The following MISFA variants were observed in gnomAD, a reference collection of about 807,000 sequenced individuals.
MISFA encodes mitochondrial sheath formation associated, also known as mitochondrial sheath formation-associated protein.
the MISFA span, chr11:18,599,872 T>A: frequency 2.5e-6 from 1 of 398,810 alleles, no homozygotes; most frequent in Non-Finnish European, 4.4e-6. Flanking sequence ...TGCCAAGATC[T>A]TGGTGAATAG....
the MISFA span, chr11:18,606,983 C>T: frequency 6.9e-5 from 20 of 289,600 alleles, no homozygotes; most frequent in Non-Finnish European, 1.2e-4. Flanking sequence ...GCCTCAGCCT[C>T]CCCGGTAGCT....
At chr11:18,603,832 G>T in the MISFA span, 1 of 395,690 alleles carries the variant, frequency 2.5e-6, no homozygotes, top group South Asian at 1.3e-4. Context: ...AAGCTCACCT[G>T]ACCAGCTGTA....
At chr11:18,604,221 C>T in the MISFA span, among the ~76,000 whole-genome samples, 2 of 151,934 alleles carry the variant, frequency 1.3e-5, no homozygotes, top group African/African-American at 2.4e-5. Context: ...CCAATGTGCC[C>T]GGCATTACCG....
At chr11:18,603,571 C>T in the MISFA span, among the ~76,000 whole-genome samples, 1 of 152,184 alleles carries the variant, frequency 6.6e-6, no homozygotes, top group Admixed American at 6.5e-5. Flanking sequence ...CCTGCTAGAC[C>T]TTGGAATTTC....
At chr11:18,609,035 T>C in the MISFA span, 1 of 152,450 alleles carries the variant, frequency 6.6e-6, no homozygotes, top group Non-Finnish European at 1.5e-5. Context: ...TTATAAACTA[T>C]TACTCTTTCA....
chr11:18,604,513 T>C, the MISFA span, among the ~76,000 whole-genome samples: 3 of 151,344 alleles, frequency 2.0e-5, no homozygotes, highest in Non-Finnish European at 4.4e-5. Flanking sequence ...AAAAATTAGC[T>C]AGGGCGTGGT....
At chr11:18,608,468 A>G in the MISFA span, 2 of 152,258 alleles carry the variant, frequency 1.3e-5, no homozygotes, top group South Asian at 2.1e-4. Flanking sequence ...TCCCCCCCAT[A>G]CAATGGCTTA....
chr11:18,606,590 A>C, the MISFA span: 1 of 306,096 alleles, frequency 3.3e-6, no homozygotes, highest in Non-Finnish European at 6.2e-6. Flanking sequence ...ACTCCAAAGA[A>C]ATCTCTATCT....
At chr11:18,600,199 TTTA>T in the MISFA span, among the ~76,000 whole-genome samples, 1 of 151,994 alleles carries the variant, frequency 6.6e-6, no homozygotes, top group Non-Finnish European at 1.5e-5. Context: ...TTATTTTTTA[TTTA>T]TTATTATTAT....
At chr11:18,609,790 T>G in the MISFA span, 3 of 1,390,080 alleles carry the variant, frequency 2.2e-6, no homozygotes, top group Non-Finnish European at 3.0e-6. Flanking sequence ...ATAAGGGGGC[T>G]TCTTCAGTCT....
the MISFA span, among the ~76,000 whole-genome samples, chr11:18,605,284 GATAA>G: frequency 6.6e-6 from 1 of 151,796 alleles, no homozygotes; most frequent in Non-Finnish European, 1.5e-5. Flanking sequence ...GAAGTTGCCT[GATAA>G]TTCTTTTTCA....
the MISFA span, among the ~76,000 whole-genome samples, chr11:18,600,191 A>T: frequency 6.6e-6 from 1 of 151,452 alleles, no homozygotes; most frequent in African/African-American, 2.4e-5. Flanking sequence ...ATCCTTTTTT[A>T]TTTTTTATTT....
At chr11:18,605,212 C>T in the MISFA span, among the ~76,000 whole-genome samples, 1 of 151,482 alleles carries the variant, frequency 6.6e-6, no homozygotes, top group Non-Finnish European at 1.5e-5. Flanking sequence ...TGCACTCCAG[C>T]CTGGGTGACA....
At chr11:18,609,859 AG>A in the MISFA span, 1 of 1,613,740 alleles carries the variant, frequency 6.2e-7, no homozygotes, top group Non-Finnish European at 8.5e-7. Context: ...TAAAAGCAGC[AG>A]CTAACGCCTC....
At chr11:18,607,611 A>G in the MISFA span, 4 of 152,628 alleles carry the variant, frequency 2.6e-5, no homozygotes, top group Non-Finnish European at 5.9e-5. Context: ...AGTTTCTTCA[A>G]AGGTTTGTGA....
the MISFA span, chr11:18,602,315 C>A: frequency 1.3e-5 from 2 of 152,436 alleles, no homozygotes; most frequent in Non-Finnish European, 2.9e-5. Flanking sequence ...GAAGCTACTC[C>A]AGAAGTTAGG....
chr11:18,602,086 G>A, the MISFA span: 1 of 152,126 alleles, frequency 6.6e-6, no homozygotes, highest in African/African-American at 2.4e-5. Context: ...ACATTTCTCT[G>A]TCTCTGGACT....
chr11:18,608,974 T>G, the MISFA span: 1 of 149,884 alleles, frequency 6.7e-6, no homozygotes, highest in African/African-American at 2.4e-5. Context: ...CAAAATATCT[T>G]TATGATGGGG....
At chr11:18,603,528 G>T in the MISFA span, among the ~76,000 whole-genome samples, 2,040 of 152,302 alleles carry the variant, frequency 0.013, 22 homozygotes, top group Middle Eastern at 0.027. Context: ...CTGTAAAAGG[G>T]ATCTGGTGGC....
Sources: gnomAD v4.1 joint callset for allele counts (sites outside exome capture counted in the v4.1 genomes callset) on GRCh38, gnomAD v4.1.1 for gene constraint, MANE v1.5 for transcripts, NCBI Gene and HGNC (gene_info 2026-07-23, HGNC 2026-07-21) for gene names.